The following ARAP1 variants were observed in gnomAD, a reference collection of about 807,000 sequenced individuals.
ARAP1 encodes the protein arf-GAP with Rho-GAP domain, ANK repeat and PH domain-containing protein 1.
In ARAP1, 76 loss-of-function variants were observed where a neutral mutation model predicts 172.2. That is an observed-to-expected ratio of 0.44 (90% confidence interval 0.37 to 0.53). The LOEUF (loss-of-function observed/expected upper bound fraction) is 0.53. Ranked by LOEUF, ARAP1 falls within the 20% of genes least tolerant of loss-of-function variation. The probability of loss-of-function intolerance (pLI) is 0.00; values close to 1 mark genes in which losing one functional copy is unlikely to be tolerated. For missense variants in ARAP1, 1,686 were observed against 1,977.5 expected (o/e 0.85, Z 2.80); for synonymous variants, 804 against 803.3 (o/e 1.00, Z -0.01).
At chr11:72,713,090 T>G in intron 5 of ARAP1, 86 bp downstream of exon 5, 1 of 1,389,392 alleles carries the variant, frequency 7.2e-7, no homozygotes, top group Non-Finnish European at 1.0e-6. Context: ...CTGCCCACTC[T>G]CTGTCTGGTA....
intron 3 of ARAP1, chr11:72,722,245 G>GTC (rs1299850448): frequency 1.0e-5 from 10 of 985,594 alleles, no homozygotes; most frequent in Admixed American, 6.2e-5. Context: ...ATGTGTGTGT[G>GTC]TATGTCTGCA....
intron 30 of ARAP1, among the ~76,000 whole-genome samples, chr11:72,689,231 C>T (rs114951076): frequency 2.4e-3 from 365 of 152,250 alleles, no homozygotes; most frequent in African/African-American, 8.3e-3. Context: ...CTCTGGCCCC[C>T]GCCTCTGCAT....
chr11:72,700,906 G>A (rs1417085019), intron 16 of ARAP1, among the ~76,000 whole-genome samples: 2 of 152,352 alleles, frequency 1.3e-5, no homozygotes, highest in East Asian at 1.9e-4. Context: ...GCTGAGGCAG[G>A]AGAATTGCTT....
chr11:72,711,181 C>T, intron 8 of ARAP1, 40 bp from the exon 9 acceptor site: 2 of 1,611,022 alleles, frequency 1.2e-6, no homozygotes, highest in Non-Finnish European at 1.7e-6. Context: ...GACCCAGCAC[C>T]TCGCTGACTC....
chr11:72,740,507 TGA>T (rs1179664571), intron 1 of ARAP1, among the ~76,000 whole-genome samples: 1 of 152,214 alleles, frequency 6.6e-6, no homozygotes. Flanking sequence ...TCATTACAAT[TGA>T]GTTTGTTCCA....
intron 13 of ARAP1, chr11:72,704,539 TC>T: frequency 3.5e-6 from 2 of 571,922 alleles, no homozygotes; most frequent in Non-Finnish European, 3.0e-6. Flanking sequence ...AGCCTAGGTC[TC>T]AGGCTCAGTG....
chr11:72,698,863 G>A (rs1856336597), intron 18 of ARAP1, 142 bp downstream of exon 18: 1 of 854,908 alleles, frequency 1.2e-6, no homozygotes, highest in South Asian at 1.5e-5. Context: ...GGCTCTTGGT[G>A]GGACAGGCCC....
At chr11:72,743,773 C>G (rs1858273730) in intron 1 of ARAP1, among the ~76,000 whole-genome samples, 1 of 152,088 alleles carries the variant, frequency 6.6e-6, no homozygotes, top group African/African-American at 2.4e-5. Context: ...GGAAGTGTGA[C>G]TCTCAGTCCC....
At chr11:72,703,145 G>A in intron 14 of ARAP1, 66 bp from the exon 15 acceptor site, 8 of 1,418,236 alleles carry the variant, frequency 5.6e-6, no homozygotes, top group Non-Finnish European at 7.4e-6. Flanking sequence ...AGGGGCTACG[G>A]GGGAGGAGAG....
intron 3 of ARAP1, among the ~76,000 whole-genome samples, chr11:72,718,386 G>T (rs917463757): frequency 6.6e-6 from 1 of 151,892 alleles, no homozygotes; most frequent in African/African-American, 2.4e-5. Flanking sequence ...GCTGAGGCCC[G>T]GCTTGGATGT....
chr11:72,749,158 C>T (rs1034138963), intron 1 of ARAP1, among the ~76,000 whole-genome samples: 4 of 152,176 alleles, frequency 2.6e-5, no homozygotes, highest in African/African-American at 7.2e-5. Flanking sequence ...AAGGCTGCCT[C>T]GGTCACCACC....
At chr11:72,742,703 C>A (rs1251673891) in intron 1 of ARAP1, among the ~76,000 whole-genome samples, 1 of 152,178 alleles carries the variant, frequency 6.6e-6, no homozygotes. Context: ...ATTCCTCCTG[C>A]TGTGGGATTT....
At chr11:72,729,655 C>T (rs1423140277) in intron 2 of ARAP1, among the ~76,000 whole-genome samples, 4 of 151,856 alleles carry the variant, frequency 2.6e-5, no homozygotes, top group African/African-American at 7.3e-5. Context: ...TGGTGGCTCA[C>T]GCCTGTAATC....
Position 72,711,451 on chromosome 11 carries a change from C to G in ARAP1, c.1071G>C (p.Leu357=), listed in dbSNP as rs770399325. The G allele has an allele frequency of 1.1e-5, 18 of 1,612,936 alleles. No homozygotes were observed. Among genetic ancestry groups the G allele is most frequent in the Non-Finnish European group, 1.4e-5 (17 of 1,179,002 alleles). Residue 357 remains leucine, a synonymous_variant, in exon 8 of 35, where the codon CTG becomes CTC. Coordinates refer to ENST00000393609, the MANE Select transcript of ARAP1 (RefSeq NM_001040118.3). ...KRWVRLDTDH[L]RYFDSNKDAY... ...TCACCTTGTTACTGTCAAAGTATCG[C>G]AGGTGATCAGTATCCAGTCTCACCC...
rs1411087735 is a variant in ARAP1 at position 72,695,561 on chromosome 11, C to T, written c.3488G>A (p.Gly1163Asp). The T allele has an allele frequency of 1.9e-6, 3 of 1,614,066 alleles. No homozygotes were observed. The South Asian group carries it at 3.3e-5, about 18-fold the overall frequency. ...ITAIVKMRVAGTASGTQHAGD... is the reference protein window; with the variant it reads ...ITAIVKMRVADTASGTQHAGD... ...CTTCACCTGGGTCCCACTGGCAGTG[C>T]CAGCCACGCGCATCTTCACAATGGC... Residue 1163 changes from glycine to aspartate, a missense_variant, in exon 25 of 35, where the codon GGC (glycine) becomes GAC (aspartate). This residue lies in a region of ARAP1 where 379 missense variants were observed against 500.1 expected (regional missense o/e 0.76). Transcript: ENST00000393609. This position sits in a 1 kb window ranked among gnomAD's most constrained non-coding sequence, Gnocchi z 4.4.
chr11:72,749,226 G>A (rs1334882402), intron 1 of ARAP1, among the ~76,000 whole-genome samples: 1 of 152,190 alleles, frequency 6.6e-6, no homozygotes, highest in Admixed American at 6.5e-5. Context: ...TCAAAGTGAA[G>A]TCAGACAAAG....
intron 27 of ARAP1, among the ~76,000 whole-genome samples, chr11:72,694,226 C>T (rs60154559): frequency 5.2e-4 from 79 of 152,006 alleles, no homozygotes; most frequent in African/African-American, 1.9e-3. Context: ...TCTCCTTGGA[C>T]GAAACCATGG....
chr11:72,711,994 C>T (rs113901653), intron 7 of ARAP1, among the ~76,000 whole-genome samples: 4 of 152,188 alleles, frequency 2.6e-5, no homozygotes, highest in Non-Finnish European at 5.9e-5. Context: ...CTATGCCCAG[C>T]GATCTCCCAA....
chr11:72,701,934 C>T (rs1219951297), intron 15 of ARAP1, 151 bp from the exon 16 acceptor site: 2 of 1,027,158 alleles, frequency 1.9e-6, no homozygotes, highest in Non-Finnish European at 2.9e-6. Flanking sequence ...CTCCTACCTG[C>T]AGGGTCTTGT....
Sources: gnomAD v4.1 joint callset for allele counts (sites outside exome capture counted in the v4.1 genomes callset) on GRCh38, gnomAD v4.1.1 for gene constraint, gnomAD v4.1.1 regional missense constraint, Gnocchi (gnomAD v3.1) non-coding constraint, MANE v1.5 for transcripts, NCBI Gene and HGNC (gene_info 2026-07-23, HGNC 2026-07-21) for gene names.